The following CAPZA2 variants were observed in gnomAD, a reference collection of about 807,000 sequenced individuals.
CAPZA2 encodes F-actin-capping protein subunit alpha-2.
A neutral mutation model predicts 44.0 loss-of-function variants in CAPZA2; 13 were observed. The observed-to-expected ratio is 0.30, with a 90% CI of 0.19 to 0.47. The LOEUF (loss-of-function observed/expected upper bound fraction) is 0.47. Among genes scored for constraint, CAPZA2 ranks in the 20% least tolerant of loss-of-function variants. The pLI is 1.00. For missense variants in CAPZA2, 244 were observed against 338.6 expected, an observed-to-expected ratio of 0.72 and a Z score of 2.19; for synonymous variants, 94 against 108.2, an observed-to-expected ratio of 0.87 and a Z score of 0.81.
chr7:116,879,368 G>T (rs995081957), intron 1 of CAPZA2, among the ~76,000 whole-genome samples: 2 of 151,982 alleles, frequency 1.3e-5, no homozygotes, highest in East Asian at 3.9e-4. Flanking sequence ...TGTGATTTTT[G>T]AATGTAAATT....
At chr7:116,889,245 A>T (rs1796800766) in intron 2 of CAPZA2, among the ~76,000 whole-genome samples, 1 of 152,242 alleles carries the variant, frequency 6.6e-6, no homozygotes, top group African/African-American at 2.4e-5. Context: ...AGTTAGAAAA[A>T]TACATTACTT....
intron 9 of CAPZA2, 70 bp from the exon 10 acceptor site, chr7:116,917,657 A>G: frequency 9.4e-7 from 1 of 1,064,766 alleles, no homozygotes; most frequent in Non-Finnish European, 1.5e-6. Context: ...TATTCTGAAA[A>G]CATCTATGTG....
At chr7:116,911,501 C>T (rs1791596757) in intron 7 of CAPZA2, among the ~76,000 whole-genome samples, 1 of 152,182 alleles carries the variant, frequency 6.6e-6, no homozygotes, top group South Asian at 2.1e-4. Context: ...CTAGTCCTCT[C>T]TGAAATATAC....
intron 1 of CAPZA2, among the ~76,000 whole-genome samples, chr7:116,868,573 A>C: frequency 6.6e-6 from 1 of 152,090 alleles, no homozygotes; most frequent in East Asian, 1.9e-4. Context: ...TCTGTACTAA[A>C]AGTACAAAAA....
rs370326853 is a variant in CAPZA2 at position 116,904,198 on chromosome 7, G to A, written c.241G>A (p.Asp81Asn). 1.9e-4 allele frequency: 310 copies of A among 1,612,856 alleles called. 5 individuals carry two copies. The Admixed American group carries it at 3.8e-3, about 20-fold the overall frequency. Residue 81 changes from aspartate to asparagine, a missense_variant, in exon 5 of 10, where the codon GAC (aspartate) becomes AAC (asparagine). Asp to Asn is a conservative substitution (Grantham distance 23, BLOSUM62 1). Transcript: ENST00000361183. ...AAAGGTATTGATAACAGAACATGGC[G>A]ACTTGGGAAATGGAAAGTTTTTGGA... ...EDQVLITEHG[D>N]LGNGKFLDPK...
chr7:116,875,558 TG>T (rs1183310775), intron 1 of CAPZA2: 2 of 151,988 alleles, frequency 1.3e-5, no homozygotes, highest in Non-Finnish European at 2.9e-5. Flanking sequence ...TTTTATTTTT[TG>T]TTTTTGAGAC....
intron 1 of CAPZA2, among the ~76,000 whole-genome samples, chr7:116,870,094 G>A (rs1035780210): frequency 6.6e-6 from 1 of 152,188 alleles, no homozygotes; most frequent in Non-Finnish European, 1.5e-5. Context: ...GGGCAGAAGA[G>A]GAGAATTGGA....
Position 116,912,056 on chromosome 7 carries a change from C to A in CAPZA2, c.586-13C>A, listed in dbSNP as rs1791604218. 1 of 1,611,188 alleles carries A rather than the reference C, an allele frequency of 6.2e-7. No homozygotes were observed. Among genetic ancestry groups the A allele is most frequent in the East Asian group, 2.2e-5 (1 of 44,746 alleles). On this transcript the variant is annotated splice_polypyrimidine_tract_variant and intron_variant, in intron 7 of 9. Transcript: ENST00000361183. ...TCCTGTAATGTGGTTTCTGTAATTT[C>A]TTTTTCTAATAGGTTCATTATTATG...
At chr7:116,905,192 T>C (rs1403128127) in intron 5 of CAPZA2, among the ~76,000 whole-genome samples, 1 of 151,272 alleles carries the variant, frequency 6.6e-6, no homozygotes, top group Admixed American at 6.6e-5. Context: ...GTAGTAGGAA[T>C]ACATTTCTTT....
At chr7:116,912,033 C>T (rs1438814660) in intron 7 of CAPZA2, 36 bp from the exon 8 acceptor site, 1 of 1,608,570 alleles carries the variant, frequency 6.2e-7, no homozygotes, top group Admixed American at 1.7e-5. Flanking sequence ...TTGATGATTC[C>T]TGTAATGTGG....
intron 9 of CAPZA2, among the ~76,000 whole-genome samples, chr7:116,917,138 A>C (rs938950866): frequency 3.9e-4 from 59 of 152,350 alleles, no homozygotes; most frequent in Non-Finnish European, 2.5e-4. Flanking sequence ...TTGTTCTGAC[A>C]TACTAAAATA....
intron 1 of CAPZA2, among the ~76,000 whole-genome samples, chr7:116,884,458 G>C (rs9791721): frequency 0.28 from 43,151 of 151,414 alleles, 6,415 homozygotes; most frequent in East Asian, 0.41. Context: ...TCATCTTTTC[G>C]TCATTGCTCT....
At chr7:116,892,861 T>C (rs2115932698) in intron 2 of CAPZA2, 133 bp from the exon 3 acceptor site, 1 of 442,080 alleles carries the variant, frequency 2.3e-6, no homozygotes, top group African/African-American at 2.0e-5. Context: ...TTGGTTATTT[T>C]GGTCATGAGT....
intron 2 of CAPZA2, among the ~76,000 whole-genome samples, chr7:116,890,777 CAAAAA>C (rs576504004): frequency 1.9e-5 from 1 of 53,434 alleles, no homozygotes; most frequent in African/African-American, 8.2e-5. Flanking sequence ...GACTCTGTCT[CAAAAA>C]AAAAAAAAAA....
At chr7:116,896,877 T>A (rs547570348) in intron 3 of CAPZA2, among the ~76,000 whole-genome samples, 107 of 152,104 alleles carry the variant, frequency 7.0e-4, no homozygotes, top group Non-Finnish European at 1.4e-3. Flanking sequence ...ACTACTGTTT[T>A]TGTATCTATA....
Position 116,917,922 on chromosome 7 carries a change from C to T in CAPZA2, c.*55C>T, listed in dbSNP as rs1791703007. 4.8e-6 allele frequency: 7 copies of T among 1,469,224 alleles called. No individual in the cohort carries two copies. Among genetic ancestry groups the T allele is most frequent in the Non-Finnish European group, 6.7e-6 (7 of 1,051,324 alleles). 91.0% of individuals were successfully genotyped at this position (1,469,224 alleles called of 1,614,324 possible). On this transcript the variant is annotated 3_prime_UTR_variant, in exon 10 of 10. Transcript: ENST00000361183. Reference sequence around the variant, plus strand: ...GTGTCTTTGCGTTAAAAAATCATTGCAAAAGTATTCTGAACTGTCAAGCTG... The same window carrying T: ...GTGTCTTTGCGTTAAAAAATCATTGTAAAAGTATTCTGAACTGTCAAGCTG...
At chr7:116,915,146 T>C (rs1321601652) in intron 8 of CAPZA2, among the ~76,000 whole-genome samples, 1 of 151,870 alleles carries the variant, frequency 6.6e-6, no homozygotes, top group South Asian at 2.1e-4. Flanking sequence ...CCACTAAAAA[T>C]ACAAAAATGA....
At chr7:116,877,539 G>A (rs1057242448) in intron 1 of CAPZA2, among the ~76,000 whole-genome samples, 2 of 152,200 alleles carry the variant, frequency 1.3e-5, no homozygotes, top group African/African-American at 4.8e-5. Context: ...GATTGCAAAG[G>A]TAGTAATAGC....
chr7:116,873,437 T>C (rs1419440979), intron 1 of CAPZA2: 1 of 152,296 alleles, frequency 6.6e-6, no homozygotes, highest in Non-Finnish European at 1.5e-5. Context: ...TTTTAATTTT[T>C]GTTAGTTTAC....
Sources: allele counts gnomAD v4.1 joint callset (sites outside exome capture counted in the v4.1 genomes callset), GRCh38; gene constraint gnomAD v4.1.1; transcripts MANE v1.5; gene names NCBI Gene and HGNC (gene_info 2026-07-23, HGNC 2026-07-21).